The following VDAC1 variants were observed in gnomAD, a reference collection of about 807,000 sequenced individuals.
VDAC1 encodes the protein voltage dependent anion channel 1, also known as non-selective voltage-gated ion channel VDAC1.
In VDAC1, 10 loss-of-function variants were observed where a neutral mutation model predicts 34.7. That is an observed-to-expected ratio of 0.29 (90% confidence interval 0.18 to 0.49). VDAC1 has a LOEUF of 0.49. Among genes scored for constraint, VDAC1 ranks in the 20% least tolerant of loss-of-function variants. The pLI is 0.99. For missense variants in VDAC1, 230 were observed against 347.9 expected (o/e 0.66, Z 2.69); for synonymous variants, 130 against 136.0 (o/e 0.96, Z 0.30).
upstream of VDAC1, among the ~76,000 whole-genome samples, chr5:134,009,019 T>G (rs575454997): frequency 8.5e-5 from 13 of 152,054 alleles, no homozygotes; most frequent in South Asian, 2.7e-3. Flanking sequence ...ACAGCAGTAA[T>G]CTCTTGGGGA....
At chr5:134,082,526 A>C in the VDAC1 span, among the ~76,000 whole-genome samples, 2 of 152,234 alleles carry the variant, frequency 1.3e-5, no homozygotes, top group Non-Finnish European at 2.9e-5. Flanking sequence ...AAGTTGCTAT[A>C]AACATTTGTG....
At chr5:134,055,498 C>A in the VDAC1 span, among the ~76,000 whole-genome samples, 11 of 151,476 alleles carry the variant, frequency 7.3e-5, no homozygotes, top group Non-Finnish European at 1.6e-4. Context: ...CGGCTCACTG[C>A]AAGCTCCGCC....
intron 6 of VDAC1, among the ~76,000 whole-genome samples, chr5:133,979,713 C>T (rs980063646): frequency 1.3e-5 from 2 of 152,150 alleles, no homozygotes; most frequent in Non-Finnish European, 2.9e-5. Flanking sequence ...CAGGCGTGAG[C>T]CACGACGCCC....
rs55872745 is a variant in VDAC1, at chr5:133,978,960, C to T, written c.551+1769G>A. Among the ~76,000 whole-genome samples the T allele has an allele frequency of 9.1e-3, 1,379 of 152,148 alleles. 20 individuals carry two copies. Among genetic ancestry groups the T allele is most frequent in the African/African-American group, 0.031 (1,281 of 41,488 alleles). Reference sequence around the variant, plus strand: ...CCCGGGAGGTGGAGGCTGCAGAGATCGTGCCACTGAACTCCAGCCTGGGTG... The same window carrying T: ...CCCGGGAGGTGGAGGCTGCAGAGATTGTGCCACTGAACTCCAGCCTGGGTG... On this transcript the variant is annotated intron_variant, in intron 6 of 8. Transcript: ENST00000265333.
the VDAC1 span, among the ~76,000 whole-genome samples, chr5:134,053,865 C>G: frequency 6.6e-6 from 1 of 152,164 alleles, no homozygotes; most frequent in Non-Finnish European, 1.5e-5. Flanking sequence ...CCTCCCAGAG[C>G]TGGCATTTAC....
At chr5:134,094,667 A>T in the VDAC1 span, among the ~76,000 whole-genome samples, 195 of 133,468 alleles carry the variant, frequency 1.5e-3, no homozygotes, top group African/African-American at 5.1e-3. Flanking sequence ...ACTGCGCTCC[A>T]GCCTGGGTGA....
the VDAC1 span, among the ~76,000 whole-genome samples, chr5:134,011,793 C>T: frequency 3.9e-5 from 6 of 152,056 alleles, no homozygotes; most frequent in Non-Finnish European, 8.8e-5. Context: ...GTGCCCACCA[C>T]CAGGCCCGGC....
In VDAC1 at chr5:134,003,548, T is replaced by A. The variant is rs1445728503; in HGVS notation, c.-7+1347A>T. Among the ~76,000 whole-genome samples, 3 of 152,206 alleles carry A rather than the reference T, an allele frequency of 2.0e-5. No individual in the cohort carries two copies. In the East Asian group the frequency reaches 5.8e-4, roughly 29 times the overall value. On this transcript the variant is annotated intron_variant, in intron 1 of 8. Coordinates refer to ENST00000265333, the MANE Select transcript of VDAC1 (RefSeq NM_003374.3). ...AGTTACTCAATACCTGGTATACAAA[T>A]GCTTGTCAATAATAGTGAAAGAATG...
the VDAC1 span, among the ~76,000 whole-genome samples, chr5:134,061,300 A>T: frequency 6.6e-6 from 1 of 150,442 alleles, no homozygotes; most frequent in African/African-American, 2.4e-5. Flanking sequence ...TCACATTTGT[A>T]TACTGACTTT....
At chr5:133,976,616 TG>T (rs1279387562) in intron 6 of VDAC1, among the ~76,000 whole-genome samples, 2 of 150,732 alleles carry the variant, frequency 1.3e-5, no homozygotes, top group Admixed American at 6.6e-5. Context: ...GGATATAGCT[TG>T]GGCAACAGAG....
At chr5:134,024,783 G>T in the VDAC1 span, among the ~76,000 whole-genome samples, 1 of 152,330 alleles carries the variant, frequency 6.6e-6, no homozygotes, top group Middle Eastern at 3.4e-3. Flanking sequence ...TAGAAGCCAG[G>T]TAGATTCTGT....
chr5:134,052,802 C>CA, the VDAC1 span, among the ~76,000 whole-genome samples: 1 of 152,124 alleles, frequency 6.6e-6, no homozygotes, highest in Non-Finnish European at 1.5e-5. Flanking sequence ...CTGTTGCTCC[C>CA]CCAACTTTGC....
the VDAC1 span, among the ~76,000 whole-genome samples, chr5:134,053,084 C>T: frequency 6.6e-6 from 1 of 152,006 alleles, no homozygotes; most frequent in African/African-American, 2.4e-5. Flanking sequence ...CATTGCACTC[C>T]AGCCTGGGCA....
the VDAC1 span, among the ~76,000 whole-genome samples, chr5:134,027,621 C>T: frequency 1.3e-5 from 2 of 151,912 alleles, no homozygotes; most frequent in Non-Finnish European, 1.5e-5. Context: ...GTCTGAAGAA[C>T]GAGCCACCCA....
At position 133,983,034 on chromosome 5, in the gene VDAC1, G is replaced by A. The variant is rs777298832; in HGVS notation, c.324-2078C>T. Among the ~76,000 whole-genome samples, 114 of 152,110 alleles carry A rather than the reference G, an allele frequency of 7.5e-4. No homozygotes were observed. The Middle Eastern group carries it at 0.01, about 14-fold the overall frequency. ...GGAGGCTGGGGCAGGCGGATCACCT[G>A]AGGTCGGGAGTTCGAGCCCAGCCTG... On this transcript the variant is annotated intron_variant, in intron 5 of 8. Coordinates refer to ENST00000265333, the MANE Select transcript of VDAC1 (RefSeq NM_003374.3).
At chr5:134,113,669 C>A in the VDAC1 span, among the ~76,000 whole-genome samples, 1 of 152,262 alleles carries the variant, frequency 6.6e-6, no homozygotes, top group Non-Finnish European at 1.5e-5. Context: ...GATGCAGGGG[C>A]TGAGCCAGGC....
the VDAC1 span, among the ~76,000 whole-genome samples, chr5:134,033,910 T>G: frequency 1.3e-5 from 2 of 151,722 alleles, no homozygotes; most frequent in African/African-American, 2.4e-5. Flanking sequence ...GAGAACGGCA[T>G]GAACCCGGGA....
At chr5:134,014,739 G>A in the VDAC1 span, among the ~76,000 whole-genome samples, 5 of 152,128 alleles carry the variant, frequency 3.3e-5, no homozygotes, top group African/African-American at 1.2e-4. Context: ...GGTGGTACAC[G>A]CCTGCAGTCT....
At chr5:134,030,295 G>A in the VDAC1 span, among the ~76,000 whole-genome samples, 11 of 151,954 alleles carry the variant, frequency 7.2e-5, no homozygotes, top group South Asian at 2.1e-4. Context: ...GAGCAAGATC[G>A]TGCCATTATA....
Sources: allele counts gnomAD v4.1 joint callset (sites outside exome capture counted in the v4.1 genomes callset), GRCh38; gene constraint gnomAD v4.1.1; transcripts MANE v1.5; gene names NCBI Gene and HGNC (gene_info 2026-07-23, HGNC 2026-07-21).